The following TOGARAM2 variants were observed in gnomAD, a reference collection of about 807,000 sequenced individuals.
The protein encoded by TOGARAM2 is TOG array regulator of axonemal microtubules protein 2.
A neutral mutation model predicts 93.3 loss-of-function variants in TOGARAM2; 85 were observed. That is an observed-to-expected ratio of 0.91 (90% confidence interval 0.76 to 1.09). The LOEUF is 1.09. TOGARAM2 is among the 50% of genes least tolerant of loss of function. The pLI is 0.00. For missense variants in TOGARAM2, 1,277 were observed against 1,334.5 expected (o/e 0.96, Z 0.67); for synonymous variants, 593 against 552.8 (o/e 1.07, Z -1.02).
intron 14 of TOGARAM2, among the ~76,000 whole-genome samples, chr2:29,032,334 G>A (rs898458725): frequency 7.9e-5 from 12 of 151,976 alleles, no homozygotes; most frequent in African/African-American, 1.7e-4. Flanking sequence ...CTGTTCCTCC[G>A]ACGTATCCCA....
At chr2:29,045,740 A>G in intron 19 of TOGARAM2, 2 of 324,628 alleles carry the variant, frequency 6.2e-6, no homozygotes, top group Non-Finnish European at 1.2e-5. Flanking sequence ...GAAAATGTAC[A>G]TTGGGGCATT....
chr2:29,036,274 CA>C (rs1366196241), intron 17 of TOGARAM2, among the ~76,000 whole-genome samples: 1 of 152,132 alleles, frequency 6.6e-6, no homozygotes. Context: ...TAAGATCATT[CA>C]GTAAAAATGA....
At chr2:29,026,813 C>G (rs1302688384) in intron 13 of TOGARAM2, 40 bp from the exon 14 acceptor site, 1 of 1,520,274 alleles carries the variant, frequency 6.6e-7, no homozygotes, top group African/African-American at 1.4e-5. Flanking sequence ...TCCCACACCA[C>G]TATCCTGAGA....
intron 6 of TOGARAM2, among the ~76,000 whole-genome samples, chr2:29,008,531 A>T (rs1664025887): frequency 1.3e-5 from 2 of 152,158 alleles, no homozygotes; most frequent in African/African-American, 2.4e-5. Context: ...ATCTCTGCTT[A>T]TTGTAACCTC....
intron 14 of TOGARAM2, among the ~76,000 whole-genome samples, chr2:29,029,261 G>GTA (rs1665597537): frequency 1.2e-5 from 1 of 84,800 alleles, no homozygotes; most frequent in South Asian, 5.0e-4. Context: ...ATGTATGTGT[G>GTA]TATACACACA....
intron 1 of TOGARAM2, among the ~76,000 whole-genome samples, chr2:28,983,337 G>A (rs1672320668): frequency 7.1e-6 from 1 of 140,468 alleles, no homozygotes; most frequent in Non-Finnish European, 1.6e-5. Flanking sequence ...GAGCCACCAC[G>A]CTGGGCCTAT....
chr2:28,992,222 G>A (rs952418069), intron 1 of TOGARAM2, among the ~76,000 whole-genome samples: 1 of 152,118 alleles, frequency 6.6e-6, no homozygotes, highest in Non-Finnish European at 1.5e-5. Flanking sequence ...AGGTCCCTGG[G>A]CCAAAGTGAT....
intron 7 of TOGARAM2, among the ~76,000 whole-genome samples, chr2:29,012,688 AGTT>A (rs1417880977): frequency 1.3e-5 from 2 of 152,212 alleles, no homozygotes; most frequent in African/African-American, 2.4e-5. Flanking sequence ...CATAAAAAAT[AGTT>A]AAGTCCTTAA....
intron 1 of TOGARAM2, among the ~76,000 whole-genome samples, chr2:28,967,311 C>T (rs1395720669): frequency 6.6e-6 from 1 of 151,930 alleles, no homozygotes; most frequent in Non-Finnish European, 1.5e-5. Flanking sequence ...CTTGTCTCTA[C>T]AAATAATAAA....
intron 8 of TOGARAM2, among the ~76,000 whole-genome samples, chr2:29,016,515 C>T (rs530697636): frequency 3.9e-5 from 6 of 152,186 alleles, no homozygotes; most frequent in Admixed American, 2.6e-4. Context: ...GTTGTTCTTG[C>T]GTCTTAAACT....
chr2:29,032,050 A>G (rs1665795496), intron 14 of TOGARAM2, among the ~76,000 whole-genome samples: 1 of 152,106 alleles, frequency 6.6e-6, no homozygotes, highest in Non-Finnish European at 1.5e-5. Flanking sequence ...CTGGACTATT[A>G]TGGTGGCCTC....
At chr2:29,002,830 C>A in intron 5 of TOGARAM2, 83 bp downstream of exon 5, 2 of 1,296,338 alleles carry the variant, frequency 1.5e-6, no homozygotes, top group Non-Finnish European at 2.2e-6. Flanking sequence ...CCTCCACCAA[C>A]CCCTGACTCC....
chr2:29,051,702 G>A (rs772952825), intron 19 of TOGARAM2, 54 bp from the exon 20 acceptor site: 5 of 1,400,670 alleles, frequency 3.6e-6, no homozygotes, highest in African/African-American at 1.4e-5. Context: ...AGAGAGGGAA[G>A]TGGGAGAGGG....
intron 5 of TOGARAM2, 97 bp from the exon 6 acceptor site, chr2:29,003,395 G>C: frequency 1.9e-6 from 2 of 1,062,480 alleles, no homozygotes; most frequent in Non-Finnish European, 2.5e-6. Flanking sequence ...TGGCTGAAAA[G>C]AGACAGCAGG....
upstream of TOGARAM2, among the ~76,000 whole-genome samples, chr2:28,979,325 C>T (rs913410844): frequency 6.6e-6 from 1 of 152,194 alleles, no homozygotes; most frequent in Non-Finnish European, 1.5e-5. Context: ...CTGTGCCTGG[C>T]GGGCACACTG....
intron 19 of TOGARAM2, chr2:29,050,751 A>G (rs1161963362): frequency 6.6e-6 from 1 of 152,210 alleles, no homozygotes; most frequent in Non-Finnish European, 1.5e-5. Context: ...TGTGAATCGC[A>G]AAGCCAGCTT....
Position 29,003,532 on chromosome 2 carries a change from A to G in TOGARAM2, c.680A>G (p.Lys227Arg). The part of the protein sequence containing the change: ...SWQYLHCNDE[K>R]MQKSLGAIVI... ...CAATACCTGCACTGCAATGATGAGA[A>G]GATGCAGAAGTCCCTGGGCGCCATC... Residue 227 changes from lysine to arginine, a missense_variant, in exon 6 of 20, where the codon AAG (lysine) becomes AGG (arginine). Transcript: ENST00000379558. 2 of 1,588,704 alleles carry G rather than the reference A, an allele frequency of 1.3e-6. No homozygotes were observed. The highest frequency in any genetic ancestry group is 2.3e-5 in the South Asian group (2 of 86,938).
intron 19 of TOGARAM2, chr2:29,046,010 G>T (rs946545314): frequency 1.3e-5 from 2 of 157,696 alleles, no homozygotes; most frequent in Non-Finnish European, 2.8e-5. Context: ...GCACCATCAA[G>T]AGAATTAGAA....
chr2:28,999,277 C>T lies in TOGARAM2; in HGVS notation c.236C>T (p.Thr79Ile), dbSNP rs760598877. Residue 79 changes from threonine to isoleucine, a missense_variant, in exon 4 of 20, where the codon ACC (threonine) becomes ATC (isoleucine). Physicochemically the swap from Thr to Ile is moderately conservative, Grantham distance 89. Transcript: ENST00000379558. ...CAGCTGGGTGGCCTCAAGCTGGACA[C>T]CCCTTCCAAGGGCTGGCAGGCAAGG... is the stretch of plus-strand genomic sequence containing the variant. The part of the protein sequence containing the change: ...LGQLGGLKLD[T>I]PSKGWQARNG... 1 of 1,606,864 alleles carries T rather than the reference C, an allele frequency of 6.2e-7. No individual in the cohort carries two copies. The highest frequency in any genetic ancestry group is 1.7e-5 in the Admixed American group (1 of 59,882).
Sources: allele counts gnomAD v4.1 joint callset (sites outside exome capture counted in the v4.1 genomes callset), GRCh38; gene constraint gnomAD v4.1.1; transcripts MANE v1.5; gene names NCBI Gene and HGNC (gene_info 2026-07-23, HGNC 2026-07-21).